Variants in ANKRD31 observed in about 807,000 individuals in gnomAD.
ANKRD31 encodes ankyrin repeat domain-containing protein 31.
ANKRD31 carries 147 observed loss-of-function variants against 186.0 expected under a neutral mutation model. That is an observed-to-expected ratio of 0.79 (90% confidence interval 0.69 to 0.91). The LOEUF (loss-of-function observed/expected upper bound fraction) is 0.91, where lower values mean the gene tolerates loss of function less well. Ranked by LOEUF, ANKRD31 falls within the 40% of genes least tolerant of loss-of-function variation. ANKRD31 has a pLI of 0.00. For synonymous variants in ANKRD31, 673 were observed against 736.4 expected (o/e 0.91, Z 1.39); for missense variants, 1,986 against 2,148.8 (o/e 0.92, Z 1.50).
intron 23 of ANKRD31, among the ~76,000 whole-genome samples, chr5:75,088,198 C>T (rs1745645874): frequency 6.6e-6 from 1 of 152,036 alleles, no homozygotes; most frequent in African/African-American, 2.4e-5. Context: ...TCTTGATATT[C>T]CTAATCATGA....
Position 75,236,756 on chromosome 5 carries a change from T to C in ANKRD31, c.-70A>G. On this transcript the variant is annotated 5_prime_UTR_variant, in exon 1 of 26. Coordinates refer to ENST00000506364, the MANE Select transcript of ANKRD31 (RefSeq NM_001372053.1). Reference sequence around the variant, plus strand: ...TCTTGCCCGCAAACAAAAAAACGCTTTGAGGGCCAGGGGAAATTGTGAATT... The same window carrying C: ...TCTTGCCCGCAAACAAAAAAACGCTCTGAGGGCCAGGGGAAATTGTGAATT... 2.5e-6 allele frequency: 3 copies of C among 1,215,730 alleles called. No homozygotes were observed. Among genetic ancestry groups the C allele is most frequent in the Non-Finnish European group, 3.4e-6 (3 of 878,118 alleles). 75.3% of individuals were successfully genotyped at this position (1,215,730 alleles called of 1,614,324 possible). A position where few individuals can be genotyped will look rare whatever the true frequency, so the allele number is the denominator to read the frequency against.
chr5:75,116,864 T>A (rs79307535), intron 18 of ANKRD31, among the ~76,000 whole-genome samples, 183 bp from the exon 19 acceptor site: 2,692 of 152,270 alleles, frequency 0.018, 45 homozygotes, highest in Middle Eastern at 0.041. Context: ...GCACTTGTCA[T>A]ATGCTGGGTG....
At chr5:75,139,118 GTTA>G in intron 15 of ANKRD31, 135 bp from the exon 16 acceptor site, 2 of 999,772 alleles carry the variant, frequency 2.0e-6, no homozygotes, top group African/African-American at 1.6e-5. Context: ...TATCATTGCT[GTTA>G]TTGTTTTAAT....
At chr5:75,182,719 TAA>T (rs74813977) in intron 10 of ANKRD31, among the ~76,000 whole-genome samples, 25 of 124,724 alleles carry the variant, frequency 2.0e-4, no homozygotes, top group Admixed American at 2.5e-4. Flanking sequence ...GAGTCCAACT[TAA>T]AAAAAAAAAA....
chr5:75,091,617 T>G (rs931885541), intron 22 of ANKRD31, among the ~76,000 whole-genome samples: 2 of 151,974 alleles, frequency 1.3e-5, no homozygotes, highest in African/African-American at 2.4e-5. Context: ...ATTAAAAAGG[T>G]GAGAGTCTAT....
At chr5:75,179,153 C>G (rs906666564) in intron 10 of ANKRD31, among the ~76,000 whole-genome samples, 6 of 151,712 alleles carry the variant, frequency 4.0e-5, no homozygotes, top group Non-Finnish European at 5.9e-5. Flanking sequence ...ATAAATTCCT[C>G]GACACATACA....
In ANKRD31 at chr5:75,104,755, A is replaced by G; in HGVS notation, c.4804T>C (p.Leu1602=). The G allele has an allele frequency of 6.5e-7, 1 of 1,537,222 alleles. No homozygotes were observed. Among genetic ancestry groups the G allele is most frequent in the Non-Finnish European group, 8.7e-7 (1 of 1,146,894 alleles). ...RHSDGTEKNK[L]PSQPVAFIGQ... ...ATAAAAGCAACAGGTTGGGATGGTAATTTATTCTTCTCTGTGCCATCTGAA... is the reference window on the plus strand; with the variant it reads ...ATAAAAGCAACAGGTTGGGATGGTAGTTTATTCTTCTCTGTGCCATCTGAA... The change falls in exon 22 of 26, where the codon TTA becomes CTA. Residue 1602 remains leucine (L), a synonymous_variant. Coordinates refer to ENST00000506364, the MANE Select transcript of ANKRD31 (RefSeq NM_001372053.1).
rs1300414609 is a variant in ANKRD31 at position 75,193,477 on chromosome 5, G to T, written c.1132C>A (p.Gln378Lys). Residue 378 changes from glutamine to lysine, a missense_variant, in exon 8 of 26, where the codon CAG becomes AAG. Physicochemically the swap from Gln to Lys is moderately conservative, Grantham distance 53 (BLOSUM62 1). Coordinates refer to ENST00000506364, the MANE Select transcript of ANKRD31 (RefSeq NM_001372053.1). ...CTCCTCAACACACACGCAGTTTCCT[G>T]ATCAGAGCTATTTGTCACTGAATTT... ...NSNSVTNSSD[Q>K]ETACVLRRSS... The T allele has an allele frequency of 1.4e-5, 21 of 1,537,322 alleles. No individual in the cohort carries two copies. The highest frequency in any genetic ancestry group is 1.8e-5 in the Non-Finnish European group (21 of 1,146,784).
intron 15 of ANKRD31, 83 bp from the exon 16 acceptor site, chr5:75,139,066 C>T: frequency 7.1e-7 from 1 of 1,400,522 alleles, no homozygotes; most frequent in Middle Eastern, 1.8e-4. Flanking sequence ...TAACAACTTC[C>T]TCAAAATACC....
chr5:75,236,407 CTG>C (rs946197953), intron 1 of ANKRD31, among the ~76,000 whole-genome samples, 174 bp downstream of exon 1: 5 of 152,302 alleles, frequency 3.3e-5, no homozygotes, highest in Admixed American at 2.6e-4. Context: ...TGGGAACAGA[CTG>C]TGTTTGCTTA....
chr5:75,124,780 G>T (rs1444294143), intron 17 of ANKRD31, among the ~76,000 whole-genome samples: 1 of 151,998 alleles, frequency 6.6e-6, no homozygotes, highest in African/African-American at 2.4e-5. Context: ...TGTATACATG[G>T]ACAGAGTGTG....
At position 75,104,959 on chromosome 5, in the gene ANKRD31, G is replaced by A. The variant is rs1747210234; in HGVS notation, c.4600C>T (p.Pro1534Ser). The change falls in exon 22 of 26, where the codon CCT (proline) becomes TCT (serine). Residue 1534 changes from proline to serine, a missense_variant. Coordinates refer to ENST00000506364, the MANE Select transcript of ANKRD31 (RefSeq NM_001372053.1). ...LEHPQSGSLSPVSGSMQETQL... is the reference protein window; with the variant it reads ...LEHPQSGSLSSVSGSMQETQL... The stretch of plus-strand genomic sequence containing the variant: ...GTTTCCTGCATGCTTCCAGAAACAG[G>A]AGAAAGTGAACCTGATTGGGGATGC... The A allele has an allele frequency of 3.9e-6, 6 of 1,537,102 alleles. No individual in the cohort carries two copies. Among genetic ancestry groups the A allele is most frequent in the South Asian group, 1.2e-5 (1 of 84,058 alleles).
At chr5:75,098,572 G>A (rs1746529859) in intron 22 of ANKRD31, among the ~76,000 whole-genome samples, 1 of 152,060 alleles carries the variant, frequency 6.6e-6, no homozygotes, top group Non-Finnish European at 1.5e-5. Context: ...AGCATGGAAT[G>A]TTCTTCCATT....
At chr5:75,200,134 G>T (rs1755719138) in intron 5 of ANKRD31, among the ~76,000 whole-genome samples, 2 of 152,048 alleles carry the variant, frequency 1.3e-5, no homozygotes, top group Non-Finnish European at 2.9e-5. Context: ...TAGACACTAT[G>T]GAGGATTGCT....
At chr5:75,234,834 T>G (rs891260438) in intron 1 of ANKRD31, among the ~76,000 whole-genome samples, 3 of 151,460 alleles carry the variant, frequency 2.0e-5, no homozygotes, top group Non-Finnish European at 4.4e-5. Flanking sequence ...TACTTTTTGG[T>G]TTTTTTTTAA....
At chr5:75,127,293 A>T (rs1418016206) in intron 17 of ANKRD31, among the ~76,000 whole-genome samples, 1 of 151,944 alleles carries the variant, frequency 6.6e-6, no homozygotes, top group Non-Finnish European at 1.5e-5. Context: ...TAAACTGGGG[A>T]TGATTTTTGT....
intron 23 of ANKRD31, among the ~76,000 whole-genome samples, chr5:75,088,060 C>T (rs970360990): frequency 6.6e-6 from 1 of 152,186 alleles, no homozygotes; most frequent in Non-Finnish European, 1.5e-5. Flanking sequence ...TAAAATGTAG[C>T]TGAGTAGAAG....
At chr5:75,210,892 C>T (rs1289590612) in intron 3 of ANKRD31, 27 bp from the exon 4 acceptor site, 15 of 1,472,644 alleles carry the variant, frequency 1.0e-5, no homozygotes, top group East Asian at 2.5e-5. Context: ...AAGTTTTTTC[C>T]AACTGATAAG....
intron 25 of ANKRD31, among the ~76,000 whole-genome samples, chr5:75,076,281 G>A (rs2150004364): frequency 6.6e-6 from 1 of 152,238 alleles, no homozygotes; most frequent in South Asian, 2.1e-4. Flanking sequence ...ATCAGTTACT[G>A]GGTTGCCCAC....
Sources: gnomAD v4.1 joint callset for allele counts (sites outside exome capture counted in the v4.1 genomes callset) on GRCh38, gnomAD v4.1.1 for gene constraint, MANE v1.5 for transcripts, NCBI Gene and HGNC (gene_info 2026-07-23, HGNC 2026-07-21) for gene names.